Variants in CFAP299 observed in about 807,000 individuals in gnomAD.
CFAP299 encodes cilia- and flagella-associated protein 299.
In CFAP299, 21 loss-of-function variants were observed where a neutral mutation model predicts 27.0. The ratio of observed to expected loss-of-function variants is 0.78; its 90% confidence interval spans 0.55 to 1.12. The LOEUF is 1.12. Ranked by LOEUF, CFAP299 falls within the 50% of genes most tolerant of loss-of-function variation. The probability of loss-of-function intolerance (pLI) is 0.00; values close to 1 mark genes in which losing one functional copy is unlikely to be tolerated. For synonymous variants in CFAP299, 104 were observed against 98.1 expected (o/e 1.06, Z -0.36); for missense variants, 310 against 276.6 (o/e 1.12, Z -0.86).
At chr4:80,468,697 T>C (rs866350667) in intron 2 of CFAP299, among the ~76,000 whole-genome samples, 1 of 151,736 alleles carries the variant, frequency 6.6e-6, no homozygotes, top group Non-Finnish European at 1.5e-5. Context: ...TAGCCGGGCA[T>C]GCTGGCGCCT....
chr4:80,676,469 G>A (rs951319700), intron 3 of CFAP299, among the ~76,000 whole-genome samples: 1 of 152,116 alleles, frequency 6.6e-6, no homozygotes. Flanking sequence ...TGCTGGCCTG[G>A]TAGAATAAGT....
intron 2 of CFAP299, among the ~76,000 whole-genome samples, chr4:80,503,870 G>A (rs1731861964): frequency 6.6e-6 from 1 of 152,088 alleles, no homozygotes; most frequent in Admixed American, 6.6e-5. Flanking sequence ...AGTTGATGGG[G>A]TGGCATTTCC....
At chr4:80,324,678 GAA>G in the CFAP299 span, among the ~76,000 whole-genome samples, 1 of 152,160 alleles carries the variant, frequency 6.6e-6, no homozygotes, top group African/African-American at 2.4e-5. Context: ...AACTCTGAGA[GAA>G]AACCATTTAC....
At position 80,730,323 on chromosome 4, in the gene CFAP299, G is replaced by A. The variant is rs568570795; in HGVS notation, c.334-139670G>A. On this transcript the variant is annotated intron_variant, in intron 3 of 5. Transcript: ENST00000358105. ...GTATGACCTGACCTCCGGGCAGGCA[G>A]TGTATCAGTGTATCCCCCAGGGTCT... Among the ~76,000 whole-genome samples, 5 of 89,528 alleles carry A rather than the reference G, an allele frequency of 5.6e-5. No individual in the cohort carries two copies. In the South Asian group the frequency reaches 2.4e-3, roughly 42 times the overall value. The allele number at this position is 89,528 out of a possible 152,430, so 58.7% of individuals were successfully genotyped here. A position where few individuals can be genotyped will look rare whatever the true frequency, so the allele number is the denominator to read the frequency against.
At chr4:80,420,950 C>T (rs988704453) in intron 2 of CFAP299, among the ~76,000 whole-genome samples, 1 of 152,138 alleles carries the variant, frequency 6.6e-6, no homozygotes. Context: ...TTGGACTGCC[C>T]TCTTCTTGGC....
At chr4:80,918,800 A>C (rs1410594413) in intron 4 of CFAP299, among the ~76,000 whole-genome samples, 2 of 152,090 alleles carry the variant, frequency 1.3e-5, no homozygotes, top group East Asian at 1.9e-4. Context: ...GAGGCTGATG[A>C]AATGTGACAG....
At chr4:80,511,976 T>C (rs1385490328) in intron 2 of CFAP299, among the ~76,000 whole-genome samples, 1 of 152,194 alleles carries the variant, frequency 6.6e-6, no homozygotes, top group African/African-American at 2.4e-5. Flanking sequence ...TCTTGAGTTT[T>C]GGAAATTATT....
chr4:80,751,533 C>A (rs1008052002), intron 3 of CFAP299, among the ~76,000 whole-genome samples: 6 of 152,134 alleles, frequency 3.9e-5, no homozygotes, highest in African/African-American at 1.2e-4. Flanking sequence ...GCTGGAGTGG[C>A]TGAAGCCCCT....
chr4:80,774,982 C>G (rs2110086441), intron 3 of CFAP299, among the ~76,000 whole-genome samples: 1 of 151,390 alleles, frequency 6.6e-6, no homozygotes, highest in Non-Finnish European at 1.5e-5. Flanking sequence ...GTGCAGCGCA[C>G]CAGCATGGCA....
At chr4:80,703,061 T>C (rs444680) in intron 3 of CFAP299, among the ~76,000 whole-genome samples, 134,344 of 151,682 alleles carry the variant, frequency 0.89, 60,016 homozygotes, top group East Asian at 1. Context: ...AGGGGAATCT[T>C]GACTTGCTCC....
At chr4:80,343,426 A>G (rs997446314) in intron 1 of CFAP299, among the ~76,000 whole-genome samples, 4 of 152,226 alleles carry the variant, frequency 2.6e-5, no homozygotes, top group Non-Finnish European at 5.9e-5. Flanking sequence ...ATTTGGAAGT[A>G]AAACACTCTT....
chr4:80,377,432 T>A (rs1426938666), intron 2 of CFAP299, among the ~76,000 whole-genome samples: 1 of 152,208 alleles, frequency 6.6e-6, no homozygotes, highest in Admixed American at 6.5e-5. Context: ...ACTGTATATG[T>A]ACCTGTCTAT....
chr4:80,388,575 C>T (rs1725156054), intron 2 of CFAP299: 6 of 1,430,640 alleles, frequency 4.2e-6, no homozygotes, highest in Non-Finnish European at 5.9e-6. Context: ...TCCTCATCAT[C>T]CAATGGCTGG....
intron 2 of CFAP299, among the ~76,000 whole-genome samples, chr4:80,538,232 A>G (rs1733835868): frequency 6.6e-6 from 1 of 152,170 alleles, no homozygotes; most frequent in African/African-American, 2.4e-5. Context: ...AAAAATACAT[A>G]AAGTCTTATA....
At chr4:80,561,812 T>A (rs112901906) in intron 2 of CFAP299, among the ~76,000 whole-genome samples, 1 of 152,004 alleles carries the variant, frequency 6.6e-6, no homozygotes, top group Non-Finnish European at 1.5e-5. Context: ...ACCTACAAGA[T>A]CTAGAAAATA....
chr4:80,350,242 C>T (rs1487323124), intron 1 of CFAP299, among the ~76,000 whole-genome samples: 1 of 151,924 alleles, frequency 6.6e-6, no homozygotes, highest in African/African-American at 2.4e-5. Flanking sequence ...AAAGTACAAA[C>T]CCACAGAGCC....
chr4:80,450,184 C>A (rs1560573018), intron 2 of CFAP299, among the ~76,000 whole-genome samples: 1 of 152,096 alleles, frequency 6.6e-6, no homozygotes, highest in Non-Finnish European at 1.5e-5. Context: ...AAACAAGATA[C>A]CTCATATAAC....
the CFAP299 span, among the ~76,000 whole-genome samples, chr4:80,328,501 G>A: frequency 7.9e-6 from 1 of 126,810 alleles, no homozygotes; most frequent in Admixed American, 7.2e-5. Flanking sequence ...TGTATTGTGT[G>A]GGTAGGTAGG....
rs183425385 is a variant in CFAP299 at position 80,626,744 on chromosome 4, C to T, written c.333+43561C>T. Among the ~76,000 whole-genome samples the T allele has an allele frequency of 4.8e-4, 73 of 151,676 alleles. 1 individual carries two copies. Among genetic ancestry groups the T allele is most frequent in the African/African-American group, 1.6e-3 (68 of 41,496 alleles). On this transcript the variant is annotated intron_variant, in intron 3 of 5. Coordinates refer to ENST00000358105, the MANE Select transcript of CFAP299 (RefSeq NM_152770.3). ...ATTATTATGAACATTTATATACCAA[C>T]CATTTCAGTAACCTAGAGAAACAGA...
Sources: gnomAD v4.1 joint callset for allele counts (sites outside exome capture counted in the v4.1 genomes callset) on GRCh38, gnomAD v4.1.1 for gene constraint, MANE v1.5 for transcripts, NCBI Gene and HGNC (gene_info 2026-07-23, HGNC 2026-07-21) for gene names.